Variants in THRB observed in about 807,000 individuals in gnomAD.
THRB encodes thyroid hormone receptor beta.
THRB carries 12 observed loss-of-function variants against 47.8 expected under a neutral mutation model. The ratio of observed to expected loss-of-function variants is 0.25; its 90% CI spans 0.16 to 0.41. THRB has a LOEUF of 0.41. Ranked by LOEUF, THRB falls within the 10% of genes least tolerant of loss-of-function variation. The probability of loss-of-function intolerance (pLI) is 1.00; values close to 1 mark genes in which losing one functional copy is unlikely to be tolerated. For missense variants in THRB, 348 were observed against 589.2 expected, an observed-to-expected ratio of 0.59 and a Z score of 4.24; for synonymous variants, 218 against 212.2, an observed-to-expected ratio of 1.03 and a Z score of -0.24.
intron 2 of THRB, among the ~76,000 whole-genome samples, chr3:24,308,655 T>A (rs1381479327): frequency 6.6e-6 from 1 of 152,136 alleles, no homozygotes; most frequent in Non-Finnish European, 1.5e-5. Flanking sequence ...GATGTGTACT[T>A]AGAACTCTAT....
At chr3:24,269,956 CT>C (rs569770323) in intron 3 of THRB, among the ~76,000 whole-genome samples, 3 of 150,994 alleles carry the variant, frequency 2.0e-5, no homozygotes, top group African/African-American at 7.3e-5. Context: ...AAACTCTTAG[CT>C]TTTTTTTTGC....
chr3:24,205,180 C>T (rs2045162928), intron 4 of THRB, among the ~76,000 whole-genome samples: 1 of 152,124 alleles, frequency 6.6e-6, no homozygotes, highest in South Asian at 2.1e-4. Context: ...TTGAGAAGAG[C>T]AACTCCAAGA....
rs116797697 is a variant in THRB at position 24,319,984 on chromosome 3, C to T, written c.-189+17316G>A. 3.6e-3 allele frequency among the ~76,000 whole-genome samples: 552 copies of T among 152,300 alleles called. 3 individuals carry two copies. Among genetic ancestry groups the T allele is most frequent in the African/African-American group, 0.013 (525 of 41,576 alleles). ...GAGGTCACACCTGTAGCATGACTCCCTTTTGGGGATGAGTGGACATCCCAG... is the reference window on the plus strand; with the variant it reads ...GAGGTCACACCTGTAGCATGACTCCTTTTTGGGGATGAGTGGACATCCCAG... On this transcript the variant is annotated intron_variant, in intron 2 of 10. Coordinates refer to ENST00000646209, the MANE Select transcript of THRB (RefSeq NM_001354712.2).
chr3:24,305,157 G>T (rs1346362905), intron 2 of THRB, among the ~76,000 whole-genome samples: 1 of 152,196 alleles, frequency 6.6e-6, no homozygotes, highest in Non-Finnish European at 1.5e-5. Context: ...ATATAGATCA[G>T]TGGTTCTCAC....
At chr3:24,487,495 A>G (rs781137123) in intron 1 of THRB, among the ~76,000 whole-genome samples, 3 of 152,204 alleles carry the variant, frequency 2.0e-5, no homozygotes, top group Non-Finnish European at 4.4e-5. Context: ...GATTTCCCAA[A>G]CATAATTGAG....
chr3:24,344,620 T>G (rs1272724706), intron 1 of THRB, among the ~76,000 whole-genome samples: 1 of 152,056 alleles, frequency 6.6e-6, no homozygotes. Flanking sequence ...CAGTAATTAT[T>G]TGACCATGAT....
At chr3:24,289,582 G>A (rs76772166) in intron 3 of THRB, among the ~76,000 whole-genome samples, 1,645 of 152,138 alleles carry the variant, frequency 0.011, 23 homozygotes, top group African/African-American at 0.037. Flanking sequence ...TAAAATACAA[G>A]TTGCCTTTCA....
At chr3:24,279,553 T>A (rs1235331631) in intron 3 of THRB, among the ~76,000 whole-genome samples, 1 of 85,176 alleles carries the variant, frequency 1.2e-5, no homozygotes, top group Non-Finnish European at 2.7e-5. Context: ...GCTGGCTAAT[T>A]TTTTTGTATT....
chr3:24,464,725 T>C (rs1164510338), intron 1 of THRB, among the ~76,000 whole-genome samples: 1 of 152,222 alleles, frequency 6.6e-6, no homozygotes, highest in African/African-American at 2.4e-5. Context: ...CTCTATTGAA[T>C]TGATTATTGA....
At chr3:24,314,306 C>T (rs2057964045) in intron 2 of THRB, among the ~76,000 whole-genome samples, 1 of 152,174 alleles carries the variant, frequency 6.6e-6, no homozygotes, top group South Asian at 2.1e-4. Flanking sequence ...AAGGGAATCA[C>T]CTTAGGAAAA....
Position 24,474,078 on chromosome 3 carries a change from C to T in THRB, c.-261+20574G>A, listed in dbSNP as rs1187831016. ...TACCTATGTAACAAACCTGCATGTT[C>T]TGCACATGTATCTCAGAACTTAAAG... On this transcript the variant is annotated intron_variant, in intron 1 of 10. Transcript: ENST00000646209. Among the ~76,000 whole-genome samples, 4 of 152,168 alleles carry T rather than the reference C, an allele frequency of 2.6e-5. No individual in the cohort carries two copies. In the South Asian group the frequency reaches 8.3e-4, roughly 32 times the overall value.
chr3:24,166,983 G>A (rs1172806313), intron 5 of THRB, among the ~76,000 whole-genome samples: 1 of 151,976 alleles, frequency 6.6e-6, no homozygotes, highest in Non-Finnish European at 1.5e-5. Flanking sequence ...TGGCTACAGA[G>A]ATGGCTGTTC....
chr3:24,418,327 G>T lies in THRB; in HGVS notation c.-261+76325C>A, dbSNP rs141256207. 1.7e-4 allele frequency among the ~76,000 whole-genome samples: 26 copies of T among 150,422 alleles called. No homozygotes were observed. The East Asian group carries it at 4.5e-3, about 26-fold the overall frequency. Reference sequence around the variant, plus strand: ...AGCTATGACCATAAGACTTTTAAAAGACTTTTTTTTTTTGTCCTTAAGCTT... The same window carrying T: ...AGCTATGACCATAAGACTTTTAAAATACTTTTTTTTTTTGTCCTTAAGCTT... On this transcript the variant is annotated intron_variant, in intron 1 of 10. Coordinates refer to ENST00000646209, the MANE Select transcript of THRB (RefSeq NM_001354712.2).
chr3:24,490,111 T>C (rs1028001882), intron 1 of THRB, among the ~76,000 whole-genome samples: 1 of 152,180 alleles, frequency 6.6e-6, no homozygotes, highest in East Asian at 1.9e-4. Context: ...TCAGAATCCT[T>C]TTGTATTAAT....
intron 3 of THRB, among the ~76,000 whole-genome samples, chr3:24,244,121 G>A (rs1233242572): frequency 6.6e-6 from 1 of 152,076 alleles, no homozygotes; most frequent in Non-Finnish European, 1.5e-5. Flanking sequence ...ACTGCTCATG[G>A]ATACAAGGGA....
intron 1 of THRB, among the ~76,000 whole-genome samples, chr3:24,486,788 A>G (rs1697367159): frequency 6.6e-6 from 1 of 152,180 alleles, no homozygotes. Flanking sequence ...TTTCTGTGTA[A>G]GGTTCCCTTG....
intron 7 of THRB, among the ~76,000 whole-genome samples, chr3:24,145,275 A>G (rs1157174481): frequency 1.3e-5 from 2 of 152,108 alleles, no homozygotes; most frequent in African/African-American, 4.8e-5. Flanking sequence ...TCACACAGCT[A>G]GTAAGTGACA....
At chr3:24,172,020 A>C (rs1376352397) in intron 5 of THRB, among the ~76,000 whole-genome samples, 6 of 152,230 alleles carry the variant, frequency 3.9e-5, no homozygotes, top group Admixed American at 3.9e-4. Flanking sequence ...GGGAAATGAC[A>C]CATTAATGCT....
chr3:24,343,047 T>C (rs753765387), intron 1 of THRB, among the ~76,000 whole-genome samples: 2 of 152,176 alleles, frequency 1.3e-5, no homozygotes, highest in Non-Finnish European at 2.9e-5. Context: ...GGAAATTTAA[T>C]GGCTCTGAGC....
Sources: gnomAD v4.1 joint callset for allele counts (sites outside exome capture counted in the v4.1 genomes callset) on GRCh38, gnomAD v4.1.1 for gene constraint, MANE v1.5 for transcripts, NCBI Gene and HGNC (gene_info 2026-07-23, HGNC 2026-07-21) for gene names.